ADAMTS13: variants seen among roughly 807,000 people sequenced by gnomAD.
ADAMTS13 encodes ADAM metallopeptidase with thrombospondin type 1 motif 13.
Under a neutral mutation model 155.1 loss-of-function variants are expected in ADAMTS13, and 110 were observed. That is an observed-to-expected ratio of 0.71 (90% CI 0.61 to 0.83). The LOEUF (loss-of-function observed/expected upper bound fraction) is 0.83, where lower values mean the gene tolerates loss of function less well. Among genes scored for constraint, ADAMTS13 ranks in the 40% least tolerant of loss-of-function variants. The probability of loss-of-function intolerance (pLI) is 0.00; values close to 1 mark genes in which losing one functional copy is unlikely to be tolerated. For synonymous variants in ADAMTS13, 758 were observed against 756.4 expected (o/e 1.00, Z -0.03); for missense variants, 1,707 against 1,891.7 (o/e 0.90, Z 1.81).
chr9:133,448,975 A>C (rs1169830629), intron 22 of ADAMTS13, among the ~76,000 whole-genome samples: 2 of 152,026 alleles, frequency 1.3e-5, no homozygotes, highest in Admixed American at 6.6e-5. Flanking sequence ...CCAAGGAGAC[A>C]GGGGGTGCTA....
At chr9:133,446,754 GT>G (rs773465603) in intron 21 of ADAMTS13, among the ~76,000 whole-genome samples, 1 of 152,190 alleles carries the variant, frequency 6.6e-6, no homozygotes, top group Non-Finnish European at 1.5e-5. Flanking sequence ...CTGCTGGACT[GT>G]TTTCCCCAGT....
intron 21 of ADAMTS13, among the ~76,000 whole-genome samples, chr9:133,446,155 C>T (rs940268391): frequency 6.6e-6 from 1 of 152,214 alleles, no homozygotes; most frequent in Non-Finnish European, 1.5e-5. Context: ...CTTCTATTTT[C>T]CCAATCTTGT....
Position 133,425,457 on chromosome 9 carries a change from TG to T in ADAMTS13, c.331-69del, listed in dbSNP as rs1840217530. The T allele has an allele frequency of 3.0e-5, 43 of 1,428,474 alleles. No homozygotes were observed. Among genetic ancestry groups the T allele is most frequent in the Non-Finnish European group, 4.1e-5 (42 of 1,035,564 alleles). The allele number at this position is 1,428,474 out of a possible 1,614,324, so 88.5% of individuals were successfully genotyped here. A position where few individuals can be genotyped will look rare whatever the true frequency, so the allele number is the denominator to read the frequency against. Reference sequence around the variant, plus strand: ...CAGCTCTTCACACTCCGGGGGCCCCTGGGAGTCAGCAGCTGCCTGGGGCTGG... The same window carrying T: ...CAGCTCTTCACACTCCGGGGGCCCCTGGAGTCAGCAGCTGCCTGGGGCTGG... On this transcript the variant is annotated intron_variant, in intron 3 of 28. Transcript: ENST00000355699. This position sits in a 1 kb window ranked among gnomAD's most constrained non-coding sequence, Gnocchi z 4.6.
chr9:133,450,557 C>T (rs977350917), intron 23 of ADAMTS13, among the ~76,000 whole-genome samples: 1 of 145,816 alleles, frequency 6.9e-6, no homozygotes, highest in African/African-American at 2.5e-5. Flanking sequence ...AGCAGCAAAA[C>T]TCCATCTCAA....
At chr9:133,446,684 G>A (rs1405917304) in intron 21 of ADAMTS13, among the ~76,000 whole-genome samples, 2 of 152,304 alleles carry the variant, frequency 1.3e-5, no homozygotes, top group Non-Finnish European at 2.9e-5. Flanking sequence ...TCTTTTGGGT[G>A]TATATCTAGA....
intron 6 of ADAMTS13, among the ~76,000 whole-genome samples, chr9:133,426,641 G>A (rs587755150): frequency 2.6e-5 from 4 of 152,184 alleles, no homozygotes; most frequent in Non-Finnish European, 5.9e-5. Context: ...ACCATTTAGA[G>A]ATAATGTCTC....
At chr9:133,428,918 CCCG>C in intron 7 of ADAMTS13, 147 bp downstream of exon 7, 2 of 989,104 alleles carry the variant, frequency 2.0e-6, no homozygotes, top group South Asian at 5.0e-5. Context: ...TCCGTCCAAC[CCCG>C]CGCCCACCGC....
Position 133,425,378 on chromosome 9 carries a change from T to G in ADAMTS13, c.331-151T>G. 6.2e-6 allele frequency: 4 copies of G among 645,656 alleles called. 1 individual carries two copies. The Middle Eastern group carries it at 1.3e-3, about 205-fold the overall frequency. The allele number at this position is 645,656 out of a possible 1,614,324, so 40.0% of individuals were successfully genotyped here. A position where few individuals can be genotyped will look rare whatever the true frequency, so the allele number is the denominator to read the frequency against. On this transcript the variant is annotated intron_variant, in intron 3 of 28. Transcript: ENST00000355699. This position sits in a 1 kb window ranked among gnomAD's most constrained non-coding sequence, Gnocchi z 4.6. ...GGCACGGCTGACTGTGCAGCACATT[T>G]TAGGAGCCCCCCGCCCCGCCCGGTT...
intron 23 of ADAMTS13, among the ~76,000 whole-genome samples, chr9:133,453,832 T>C (rs1035693256): frequency 3.3e-5 from 5 of 152,080 alleles, no homozygotes; most frequent in African/African-American, 7.2e-5. Context: ...CCCAGTGTCA[T>C]GTAGAACAGT....
chr9:133,451,894 C>CAA (rs34716768), intron 23 of ADAMTS13, among the ~76,000 whole-genome samples: 7,560 of 78,832 alleles, frequency 0.096, 536 homozygotes, highest in African/African-American at 0.12. Context: ...GACCCTGTCT[C>CAA]AAAAAAAAAA....
upstream of ADAMTS13, chr9:133,418,019 A>C (rs1839785392): frequency 1.6e-6 from 1 of 620,058 alleles, no homozygotes; most frequent in Non-Finnish European, 2.8e-6. Context: ...ATACCTCAGC[A>C]CGCACGCTCC....
chr9:133,454,385 G>A (rs1554795059), intron 23 of ADAMTS13, 30 bp from the exon 24 acceptor site: 18 of 1,612,438 alleles, frequency 1.1e-5, no homozygotes, highest in Non-Finnish European at 1.5e-5. Context: ...GGGAGACCTA[G>A]CCTCTCTCTG....
chr9:133,414,892 C>T (rs1554781217), intron 1 of ADAMTS13: 1 of 1,614,050 alleles, frequency 6.2e-7, no homozygotes. Flanking sequence ...TCTCCTCTCC[C>T]TTCACTTGAG....
Position 133,414,800 on chromosome 9 carries a change from C to T in ADAMTS13, n.287+156C>T, listed in dbSNP as rs377306235. 31 of 1,614,042 alleles carry T rather than the reference C, an allele frequency of 1.9e-5. No individual in the cohort carries two copies. The African/African-American group carries it at 2.8e-4, about 15-fold the overall frequency. On this transcript the variant is annotated intron_variant and non_coding_transcript_variant, in intron 1 of 17. Transcript: ENST00000485925. The stretch of plus-strand genomic sequence containing the variant: ...GTGCTCTGTTCCACTGGCCTTGGTG[C>T]GAGGTACTGGCGCCCTCCTGTCCAT...
chr9:133,457,101 C>G (rs1052784711), intron 27 of ADAMTS13: 9 of 364,180 alleles, frequency 2.5e-5, no homozygotes, highest in East Asian at 2.1e-4. Context: ...CTGGTGTAAG[C>G]AGACATGCTT....
At chr9:133,452,173 C>T (rs1307187895) in intron 23 of ADAMTS13, among the ~76,000 whole-genome samples, 6 of 150,460 alleles carry the variant, frequency 4.0e-5, no homozygotes, top group Admixed American at 3.3e-4. Context: ...GGTGCAGTGG[C>T]GCGATCTCAG....
At chr9:133,449,219 G>T (rs1433725511) in intron 22 of ADAMTS13, among the ~76,000 whole-genome samples, 1 of 152,150 alleles carries the variant, frequency 6.6e-6, no homozygotes, top group Non-Finnish European at 1.5e-5. Flanking sequence ...ATGGTTGCTG[G>T]TGCGTTTCTT....
intron 23 of ADAMTS13, among the ~76,000 whole-genome samples, chr9:133,452,674 C>T (rs903661954): frequency 3.9e-5 from 6 of 152,096 alleles, no homozygotes; most frequent in Non-Finnish European, 8.8e-5. Flanking sequence ...GGCCACTGAG[C>T]CTCCCCTCAC....
At chr9:133,429,869 C>G in intron 7 of ADAMTS13, 70 bp from the exon 8 acceptor site, 3 of 1,527,684 alleles carry the variant, frequency 2.0e-6, no homozygotes, top group Non-Finnish European at 2.6e-6. Flanking sequence ...CTCGTGCCCA[C>G]TCCTCCGTCC....
Sources: gnomAD v4.1 joint callset for allele counts (sites outside exome capture counted in the v4.1 genomes callset) on GRCh38, gnomAD v4.1.1 for gene constraint, Gnocchi (gnomAD v3.1) non-coding constraint, MANE v1.5 for transcripts, NCBI Gene and HGNC (gene_info 2026-07-23, HGNC 2026-07-21) for gene names.